Variants in DNAH3 observed in about 807,000 individuals in gnomAD.
DNAH3 encodes the protein axonemal beta dynein heavy chain 3.
A neutral mutation model predicts 432.5 loss-of-function variants in DNAH3; 332 were observed. The ratio of observed to expected loss-of-function variants is 0.77; its 90% confidence interval spans 0.70 to 0.84. DNAH3 has a LOEUF of 0.84. Ranked by LOEUF, DNAH3 falls within the 40% of genes least tolerant of loss-of-function variation. DNAH3 has a pLI of 0.00. For synonymous variants in DNAH3, 1,956 were observed against 1,900.2 expected (o/e 1.03, Z -0.76); for missense variants, 4,861 against 5,114.0 (o/e 0.95, Z 1.51).
chr16:21,116,258 C>T (rs1024703156), intron 12 of DNAH3, among the ~76,000 whole-genome samples: 4 of 151,684 alleles, frequency 2.6e-5, no homozygotes, highest in African/African-American at 9.7e-5. Context: ...TGGCTGTGTC[C>T]CCACCCAAAT....
At position 21,009,325 on chromosome 16, in the gene DNAH3, T is replaced by C. The variant is rs763985538; in HGVS notation, c.6023-6118A>G. Among the ~76,000 whole-genome samples, 159 of 152,192 alleles carry C rather than the reference T, an allele frequency of 1.0e-3. 1 individual carries two copies. The highest frequency in any genetic ancestry group is 5.4e-4 in the Non-Finnish European group (37 of 68,038). On this transcript the variant is annotated intron_variant, in intron 41 of 61. Transcript: ENST00000261383. ...AAAATAGACTACAGAGTGAAATATA[T>C]ACCATTATGGTAACCATGTAAAGAG... is the stretch of plus-strand genomic sequence containing the variant.
chr16:21,082,942 C>G (rs1247386127), intron 19 of DNAH3, among the ~76,000 whole-genome samples: 1 of 149,984 alleles, frequency 6.7e-6, no homozygotes, highest in East Asian at 1.9e-4. Flanking sequence ...TTACCTTGTT[C>G]CATCTTGCTT....
intron 55 of DNAH3, among the ~76,000 whole-genome samples, chr16:20,953,804 G>A (rs1342891768): frequency 6.6e-6 from 1 of 151,388 alleles, no homozygotes; most frequent in Non-Finnish European, 1.5e-5. Flanking sequence ...GAGTGCAGTG[G>A]CACAATCTTG....
At chr16:21,141,202 G>T (rs996629820) in intron 4 of DNAH3, 98 bp downstream of exon 5, 2 of 861,252 alleles carry the variant, frequency 2.3e-6, no homozygotes, top group Non-Finnish European at 3.6e-6. Context: ...ATCTGGGAAT[G>T]CTTTGAAGCC....
At chr16:20,985,839 T>G in intron 47 of DNAH3, 124 bp from the exon 48 acceptor site, 1 of 966,908 alleles carries the variant, frequency 1.0e-6, no homozygotes, top group East Asian at 2.4e-5. Flanking sequence ...TTCAAGGTCA[T>G]GGGTCATCAG....
chr16:20,985,842 G>A lies in DNAH3; in HGVS notation c.7027-127C>T, dbSNP rs562833410. 1.3e-4 allele frequency: 120 copies of A among 954,374 alleles called. No homozygotes were observed. The African/African-American group carries it at 1.8e-3, about 15-fold the overall frequency. 59.1% of individuals were successfully genotyped at this position (954,374 alleles called of 1,614,324 possible). ...CTGAGCACATCCTTCAAGGTCATGGGTCATCAGTTTTGTTTTGTTTCGTTT... is the reference window on the plus strand; with the variant it reads ...CTGAGCACATCCTTCAAGGTCATGGATCATCAGTTTTGTTTTGTTTCGTTT... On this transcript the variant is annotated intron_variant, in intron 47 of 61. Transcript: ENST00000261383.
intron 14 of DNAH3, among the ~76,000 whole-genome samples, chr16:21,111,253 C>A (rs1027050878): frequency 6.6e-6 from 1 of 152,274 alleles, no homozygotes; most frequent in African/African-American, 2.4e-5. Context: ...AAGGAAAATG[C>A]GCCTGTAAGC....
At chr16:21,037,768 A>T (rs764015240) in exon 34 of DNAH3, 1 of 1,614,134 alleles carries the variant, frequency 6.2e-7, no homozygotes, top group Non-Finnish European at 8.5e-7. Flanking sequence ...TACCTGAAAC[A>T]GAGGGACATC....
chr16:20,951,650 G>A (rs370258715), intron 56 of DNAH3, among the ~76,000 whole-genome samples: 7 of 151,258 alleles, frequency 4.6e-5, no homozygotes, highest in South Asian at 2.1e-4. Context: ...TGCCCCAGCC[G>A]GTCTTAAACT....
At chr16:21,049,965 G>T (rs527539253) in exon 30 of DNAH3, 129 of 1,614,114 alleles carry the variant, frequency 8.0e-5, no homozygotes, top group Non-Finnish European at 1.1e-4. Flanking sequence ...GCCAGTCCCA[G>T]CTGGACCCTC....
chr16:20,983,848 C>T (rs896146148), intron 48 of DNAH3, among the ~76,000 whole-genome samples: 8 of 151,654 alleles, frequency 5.3e-5, no homozygotes, highest in Admixed American at 2.0e-4. Context: ...CCCACATCCC[C>T]GTCCCCTATC....
chr16:20,961,168 C>T (rs1237169841), intron 53 of DNAH3, among the ~76,000 whole-genome samples: 6 of 152,166 alleles, frequency 3.9e-5, no homozygotes, highest in East Asian at 3.9e-4. Context: ...GTCTCTGTTA[C>T]GAACTGCATC....
intron 16 of DNAH3, among the ~76,000 whole-genome samples, chr16:21,100,966 TTA>T (rs1477346841): frequency 1.3e-5 from 2 of 152,194 alleles, no homozygotes; most frequent in African/African-American, 4.8e-5. Context: ...GCTAAGTACA[TTA>T]TAGTTTCCAA....
intron 59 of DNAH3, among the ~76,000 whole-genome samples, chr16:20,937,529 CTTTTTTTTTT>C (rs71377696): frequency 1.6e-5 from 2 of 121,342 alleles, no homozygotes; most frequent in African/African-American, 6.3e-5. Context: ...CAAAGTTGTT[CTTTTTTTTTT>C]TTTTTTTTTG....
chr16:21,104,237 A>G, intron 16 of DNAH3: 1 of 406,368 alleles, frequency 2.5e-6, no homozygotes, highest in Non-Finnish European at 4.5e-6. Flanking sequence ...AATTCCAATT[A>G]TTCAAGGCAG....
At position 20,987,295 on chromosome 16, in the gene DNAH3, T is replaced by C. The variant is rs773711377; in HGVS notation, c.7026+10A>G. 1 of 1,612,858 alleles carries C rather than the reference T, an allele frequency of 6.2e-7. No individual in the cohort carries two copies. Among genetic ancestry groups the C allele is most frequent in the Non-Finnish European group, 8.5e-7 (1 of 1,179,644 alleles). ...TTTCTGAGGTCAAATGATCACAGAA[T>C]CTGGTTTACCTTCTCTATGGTCTGC... is the stretch of plus-strand genomic sequence containing the variant. On this transcript the variant is annotated intron_variant, in intron 47 of 61. Coordinates refer to ENST00000261383, the Ensembl canonical transcript of DNAH3.
At chr16:21,073,655 A>T (rs945215593) in intron 21 of DNAH3, among the ~76,000 whole-genome samples, 2 of 152,108 alleles carry the variant, frequency 1.3e-5, no homozygotes, top group African/African-American at 4.8e-5. Flanking sequence ...CTGCTCCTTT[A>T]TCTTTCCCCT....
chr16:20,979,267 T>C (rs1227588852), intron 50 of DNAH3, 63 bp downstream of exon 50: 1 of 1,519,456 alleles, frequency 6.6e-7, no homozygotes, highest in African/African-American at 1.4e-5. Flanking sequence ...CCTGAACACA[T>C]GCCTCGGCAC....
chr16:21,078,949 A>C (rs896174502), intron 20 of DNAH3, among the ~76,000 whole-genome samples: 1 of 152,198 alleles, frequency 6.6e-6, no homozygotes, highest in Non-Finnish European at 1.5e-5. Flanking sequence ...TCCTAACTCT[A>C]ATCACCTAGC....
Sources: allele counts gnomAD v4.1 joint callset (sites outside exome capture counted in the v4.1 genomes callset), GRCh38; gene constraint gnomAD v4.1.1; transcripts MANE v1.5; gene names NCBI Gene and HGNC (gene_info 2026-07-23, HGNC 2026-07-21).